The following CNTNAP5 variants were observed in gnomAD, a reference collection of about 807,000 sequenced individuals.
CNTNAP5 encodes the protein contactin associated protein family member 5, also known as contactin-associated protein-like 5.
A neutral mutation model predicts 150.2 loss-of-function variants in CNTNAP5; 72 were observed. That is an observed-to-expected ratio of 0.48 (90% CI 0.40 to 0.58). The LOEUF (loss-of-function observed/expected upper bound fraction) is 0.58, where lower values mean the gene tolerates loss of function less well. CNTNAP5 is among the 20% of genes least tolerant of loss of function. The pLI is 0.00. For synonymous variants in CNTNAP5, 672 were observed against 619.8 expected, an observed-to-expected ratio of 1.08 and a Z score of -1.25; for missense variants, 1,636 against 1,626.2, an observed-to-expected ratio of 1.01 and a Z score of -0.10.
At chr2:124,753,748 G>A (rs1433303105) in intron 14 of CNTNAP5, among the ~76,000 whole-genome samples, 1 of 152,086 alleles carries the variant, frequency 6.6e-6, no homozygotes, top group African/African-American at 2.4e-5. Flanking sequence ...CATGTGAGGG[G>A]ATAGATATGT....
chr2:124,471,035 G>C (rs1693501669), intron 6 of CNTNAP5, among the ~76,000 whole-genome samples: 1 of 152,024 alleles, frequency 6.6e-6, no homozygotes, highest in South Asian at 2.1e-4. Flanking sequence ...TTTTGCTTAG[G>C]ATTGTCTTGG....
chr2:124,786,576 G>T (rs1681602885), intron 17 of CNTNAP5, among the ~76,000 whole-genome samples: 1 of 150,794 alleles, frequency 6.6e-6, no homozygotes, highest in South Asian at 2.1e-4. Context: ...CAGAGAGAAA[G>T]AAAGAAAAAA....
At chr2:124,139,975 G>C (rs1008250163) in intron 1 of CNTNAP5, among the ~76,000 whole-genome samples, 3 of 152,296 alleles carry the variant, frequency 2.0e-5, no homozygotes, top group Admixed American at 2.0e-4. Flanking sequence ...TGCCTCACTC[G>C]GGAAGCGCAA....
At chr2:124,720,665 G>A (rs1364027702) in intron 13 of CNTNAP5, among the ~76,000 whole-genome samples, 2 of 152,194 alleles carry the variant, frequency 1.3e-5, no homozygotes, top group Non-Finnish European at 2.9e-5. Context: ...TCCTCTGAAT[G>A]AGCCTTGCTG....
chr2:124,159,296 CTT>C lies in CNTNAP5; in HGVS notation c.83-62405_83-62404del, dbSNP rs529340867. 6.6e-5 allele frequency among the ~76,000 whole-genome samples: 10 copies of C among 152,246 alleles called. No individual in the cohort carries two copies. The South Asian group carries it at 1.7e-3, about 25-fold the overall frequency. On this transcript the variant is annotated intron_variant, in intron 1 of 23. Transcript: ENST00000682447. ...TTGTTCTTAAACCGGAATCTGCAAA[CTT>C]TTTCTGTAAAGGGCTAGATAGTAAA...
chr2:124,317,083 C>T (rs1340043062), intron 3 of CNTNAP5, among the ~76,000 whole-genome samples: 1 of 152,072 alleles, frequency 6.6e-6, no homozygotes, highest in African/African-American at 2.4e-5. Context: ...GGCAGCACGC[C>T]ATTATTCACA....
chr2:124,452,208 C>T (rs945475528), intron 6 of CNTNAP5, among the ~76,000 whole-genome samples: 1 of 151,996 alleles, frequency 6.6e-6, no homozygotes, highest in East Asian at 1.9e-4. Context: ...GGGTGGGGCA[C>T]GGTGAGAGTG....
At chr2:124,095,878 C>CTCTTATCTCATA (rs1682923529) in intron 1 of CNTNAP5, among the ~76,000 whole-genome samples, 1 of 151,938 alleles carries the variant, frequency 6.6e-6, no homozygotes, top group South Asian at 2.1e-4. Flanking sequence ...TAATCTTTAA[C>CTCTTATCTCATA]ACTCTTATGA....
At chr2:124,395,017 C>A (rs576005068) in intron 3 of CNTNAP5, among the ~76,000 whole-genome samples, 68 of 131,186 alleles carry the variant, frequency 5.2e-4, no homozygotes, top group African/African-American at 1.4e-3. Flanking sequence ...AGTCTTCCAA[C>A]AATTAAATTC....
intron 3 of CNTNAP5, among the ~76,000 whole-genome samples, chr2:124,300,667 CT>C (rs1688551241): frequency 1.3e-5 from 2 of 152,250 alleles, no homozygotes; most frequent in South Asian, 4.1e-4. Context: ...TTAGTTTATG[CT>C]GAAGATGGAA....
chr2:124,250,713 G>C (rs533846377), intron 3 of CNTNAP5, among the ~76,000 whole-genome samples: 5 of 151,856 alleles, frequency 3.3e-5, no homozygotes, highest in Non-Finnish European at 5.9e-5. Flanking sequence ...GTCAAATTTC[G>C]AGGCCCCAGG....
At chr2:124,897,945 GTGTGTGT>G (rs1678340301) in intron 21 of CNTNAP5, among the ~76,000 whole-genome samples, 1 of 114,674 alleles carries the variant, frequency 8.7e-6, no homozygotes, top group African/African-American at 3.4e-5. Flanking sequence ...AAGTGTGTGT[GTGTGTGT>G]GTGTGTGTGT....
intron 3 of CNTNAP5, among the ~76,000 whole-genome samples, chr2:124,339,072 T>A (rs1306041139): frequency 2.6e-5 from 4 of 152,236 alleles, no homozygotes; most frequent in African/African-American, 9.6e-5. Flanking sequence ...TCTTGCTGAG[T>A]GCCTTATGTT....
intron 6 of CNTNAP5, among the ~76,000 whole-genome samples, chr2:124,458,575 T>C (rs1693176653): frequency 6.6e-6 from 1 of 152,070 alleles, no homozygotes; most frequent in African/African-American, 2.4e-5. Context: ...CCTTGTATAC[T>C]GCTTAGGTTA....
chr2:124,811,706 C>CT (rs1553445018), intron 19 of CNTNAP5, among the ~76,000 whole-genome samples: 1 of 136,646 alleles, frequency 7.3e-6, no homozygotes, highest in East Asian at 2.2e-4. Context: ...CTTTAGGAGG[C>CT]GGGGGGGGTG....
At chr2:124,070,884 C>T (rs1246710156) in intron 1 of CNTNAP5, among the ~76,000 whole-genome samples, 3 of 151,918 alleles carry the variant, frequency 2.0e-5, no homozygotes, top group South Asian at 4.1e-4. Context: ...CATCCAATAC[C>T]TCCAGAAAAT....
At chr2:124,106,856 G>A (rs1277809872) in intron 1 of CNTNAP5, among the ~76,000 whole-genome samples, 2 of 151,922 alleles carry the variant, frequency 1.3e-5, no homozygotes, top group African/African-American at 4.8e-5. Context: ...TTAACCTGTG[G>A]GATCTGACAC....
chr2:124,831,270 C>G (rs1268664900), intron 19 of CNTNAP5, among the ~76,000 whole-genome samples: 1 of 151,800 alleles, frequency 6.6e-6, no homozygotes, highest in Non-Finnish European at 1.5e-5. Context: ...TAAATAACCG[C>G]TCATTTTACT....
intron 8 of CNTNAP5, among the ~76,000 whole-genome samples, chr2:124,513,106 C>T (rs1694630587): frequency 6.6e-6 from 1 of 152,162 alleles, no homozygotes; most frequent in South Asian, 2.1e-4. Context: ...GAAAATATCA[C>T]AGTCTAAGTG....
Sources: allele counts gnomAD v4.1 joint callset (sites outside exome capture counted in the v4.1 genomes callset), GRCh38; gene constraint gnomAD v4.1.1; transcripts MANE v1.5; gene names NCBI Gene and HGNC (gene_info 2026-07-23, HGNC 2026-07-21).